APBA1: variants seen among roughly 807,000 people sequenced by gnomAD.
APBA1 encodes the protein amyloid-beta A4 precursor protein-binding family A member 1.
In APBA1, 55 loss-of-function variants were observed where a neutral mutation model predicts 86.6. The ratio of observed to expected loss-of-function variants is 0.64; its 90% confidence interval spans 0.51 to 0.80. The LOEUF (loss-of-function observed/expected upper bound fraction) is 0.80, where lower values mean the gene tolerates loss of function less well. APBA1 is among the 30% of genes least tolerant of loss of function. The pLI, the probability that APBA1 is intolerant of heterozygous loss-of-function variation, is 0.00. For missense variants in APBA1, 1,090 were observed against 1,183.0 expected, an observed-to-expected ratio of 0.92 and a Z score of 1.15; for synonymous variants, 511 against 493.9, an observed-to-expected ratio of 1.03 and a Z score of -0.46.
At chr9:69,639,168 A>G (rs903563881) in intron 1 of APBA1, among the ~76,000 whole-genome samples, 2 of 152,146 alleles carry the variant, frequency 1.3e-5, no homozygotes, top group African/African-American at 2.4e-5. Context: ...ATTTTCATCC[A>G]TCTATTCTCA....
At chr9:69,579,267 G>A (rs1379877395) in intron 1 of APBA1, among the ~76,000 whole-genome samples, 1 of 152,100 alleles carries the variant, frequency 6.6e-6, no homozygotes, top group East Asian at 1.9e-4. Context: ...CCCCTGGCCT[G>A]CACCGGGAGC....
At chr9:69,532,929 A>C (rs1836455453) in intron 1 of APBA1, among the ~76,000 whole-genome samples, 1 of 152,244 alleles carries the variant, frequency 6.6e-6, no homozygotes, top group Non-Finnish European at 1.5e-5. Flanking sequence ...TACTTCATAC[A>C]TAATTGTGTG....
intron 1 of APBA1, among the ~76,000 whole-genome samples, chr9:69,539,542 T>C (rs1046746866): frequency 2.0e-5 from 3 of 152,220 alleles, no homozygotes; most frequent in Non-Finnish European, 4.4e-5. Context: ...ACCTGGACCA[T>C]GTCAACAGCT....
chr9:69,627,911 G>A (rs969952306), intron 1 of APBA1, among the ~76,000 whole-genome samples: 1 of 152,178 alleles, frequency 6.6e-6, no homozygotes, highest in Non-Finnish European at 1.5e-5. Context: ...GAACATGGTA[G>A]ACACACCCTA....
At chr9:69,658,256 CTT>C (rs1290798958) in intron 1 of APBA1, among the ~76,000 whole-genome samples, 6 of 24,298 alleles carry the variant, frequency 2.5e-4, no homozygotes, top group African/African-American at 3.6e-4. Flanking sequence ...TTCTTTCTTT[CTT>C]TCTTTCTTTC....
intron 1 of APBA1, among the ~76,000 whole-genome samples, chr9:69,575,253 A>G (rs1195492561): frequency 6.6e-6 from 1 of 152,170 alleles, no homozygotes; most frequent in African/African-American, 2.4e-5. Flanking sequence ...ATAAAATATT[A>G]TCAATATCGT....
chr9:69,543,173 GC>G (rs1457144809), intron 1 of APBA1, among the ~76,000 whole-genome samples: 2 of 152,188 alleles, frequency 1.3e-5, no homozygotes, highest in Non-Finnish European at 2.9e-5. Context: ...CCTGGGAGGG[GC>G]CGTGGCCCCT....
At chr9:69,586,344 A>AT (rs1250339753) in intron 1 of APBA1, among the ~76,000 whole-genome samples, 1 of 152,030 alleles carries the variant, frequency 6.6e-6, no homozygotes, top group African/African-American at 2.4e-5. Flanking sequence ...CAGAGTTTCT[A>AT]TTTTTTTGAT....
intron 1 of APBA1, among the ~76,000 whole-genome samples, chr9:69,523,481 A>G (rs373490365): frequency 8.7e-5 from 7 of 80,882 alleles, no homozygotes; most frequent in South Asian, 3.7e-4. Flanking sequence ...ATATATGTAT[A>G]TATATATATA....
chr9:69,575,977 C>T (rs570183295), intron 1 of APBA1, among the ~76,000 whole-genome samples: 31 of 152,236 alleles, frequency 2.0e-4, no homozygotes, highest in African/African-American at 6.3e-4. Context: ...GGGCTAATAT[C>T]CAGAATCTAC....
intron 10 of APBA1, among the ~76,000 whole-genome samples, chr9:69,449,271 T>G (rs1213635865): frequency 6.6e-6 from 1 of 152,188 alleles, no homozygotes; most frequent in East Asian, 1.9e-4. Context: ...CCATTTCTGT[T>G]GAGGCTGAGT....
chr9:69,592,287 C>T (rs1298199388), intron 1 of APBA1, among the ~76,000 whole-genome samples: 1 of 152,174 alleles, frequency 6.6e-6, no homozygotes, highest in East Asian at 1.9e-4. Flanking sequence ...CTCATGGTTT[C>T]TGTACCAAAG....
rs183976232 is a variant in APBA1 at position 69,458,288 on chromosome 9, G to A, written c.1483-100C>T. 32 of 1,042,784 alleles carry A rather than the reference G, an allele frequency of 3.1e-5. No homozygotes were observed. The East Asian group carries it at 7.3e-4, about 24-fold the overall frequency. 64.6% of individuals were successfully genotyped at this position (1,042,784 alleles called of 1,614,324 possible). On this transcript the variant is annotated intron_variant, in intron 5 of 12. Transcript: ENST00000265381. ...ATTGACAAACTAATACTGAATAGTG[G>A]CATAAAGCGTTTCTGTGGGAGGAGG...
intron 1 of APBA1, among the ~76,000 whole-genome samples, chr9:69,619,977 T>C (rs2133988891): frequency 6.6e-6 from 1 of 152,246 alleles, no homozygotes; most frequent in Non-Finnish European, 1.5e-5. Flanking sequence ...ACCTGAAATC[T>C]CTAGAACATG....
rs78961343 is a variant in APBA1, at chr9:69,578,623, A to C, written c.-69-61344T>G. Among the ~76,000 whole-genome samples the C allele has an allele frequency of 9.4e-3, 1,426 of 152,356 alleles. 23 individuals carry two copies. Among genetic ancestry groups the C allele is most frequent in the African/African-American group, 0.032 (1,345 of 41,576 alleles). ...TCATACTTTACAAAGATTGAGAAAT[A>C]AATGATCTATCTTTGGGAATGTCAT... On this transcript the variant is annotated intron_variant, in intron 1 of 12. Coordinates refer to ENST00000265381, the MANE Select transcript of APBA1 (RefSeq NM_001163.4).
intron 1 of APBA1, among the ~76,000 whole-genome samples, chr9:69,560,212 T>C (rs1588363653): frequency 6.6e-6 from 1 of 152,370 alleles, no homozygotes; most frequent in East Asian, 1.9e-4. Flanking sequence ...ACTTCTTTTT[T>C]CATACTTTGG....
intron 9 of APBA1, among the ~76,000 whole-genome samples, chr9:69,450,065 T>G (rs1007252495): frequency 2.0e-5 from 3 of 149,184 alleles, no homozygotes; most frequent in Non-Finnish European, 4.4e-5. Flanking sequence ...AGTTTTTTTT[T>G]TTTTTTTTTT....
intron 1 of APBA1, among the ~76,000 whole-genome samples, chr9:69,641,842 A>AT (rs1823291346): frequency 6.6e-6 from 1 of 152,084 alleles, no homozygotes; most frequent in African/African-American, 2.4e-5. Flanking sequence ...ATTTCCTTTT[A>AT]TTTTTTATTT....
Position 69,458,165 on chromosome 9 carries a change from G to A in APBA1, c.1506C>T (p.Ser502=), listed in dbSNP as rs1363661009. 4 of 1,612,064 alleles carry A rather than the reference G, an allele frequency of 2.5e-6. No homozygotes were observed. The South Asian group carries it at 4.4e-5, about 18-fold the overall frequency. The part of the protein sequence containing the change: ...RIKMAQKLAK[S]RKKAPEGESQ... The stretch of plus-strand genomic sequence containing the variant: ...GTTGTTTGTACTGCACCTTCTTCCT[G>A]CTTTTGGCTAATTTCTGGGCCATCT... The change falls in exon 6 of 13, where the codon AGC becomes AGT. Residue 502 remains serine, a synonymous_variant. Coordinates refer to ENST00000265381, the MANE Select transcript of APBA1 (RefSeq NM_001163.4).
Sources: gnomAD v4.1 joint callset for allele counts (sites outside exome capture counted in the v4.1 genomes callset) on GRCh38, gnomAD v4.1.1 for gene constraint, MANE v1.5 for transcripts, NCBI Gene and HGNC (gene_info 2026-07-23, HGNC 2026-07-21) for gene names.